CYP4Z1: variants seen among roughly 807,000 people sequenced by gnomAD.
CYP4Z1 encodes the protein cytochrome P450 4Z1.
A neutral mutation model predicts 54.2 loss-of-function variants in CYP4Z1; 41 were observed. That is an observed-to-expected ratio of 0.76 (90% CI 0.59 to 0.98). The LOEUF is 0.98. Ranked by LOEUF, CYP4Z1 falls within the 50% of genes least tolerant of loss-of-function variation. The pLI is 0.00. For missense variants in CYP4Z1, 513 were observed against 599.0 expected (o/e 0.86, Z 1.50); for synonymous variants, 163 against 206.2 (o/e 0.79, Z 1.79).
the CYP4Z1 span, among the ~76,000 whole-genome samples, chr1:47,057,287 C>T: frequency 3.9e-5 from 5 of 129,356 alleles, no homozygotes; most frequent in Non-Finnish European, 8.0e-5. Flanking sequence ...GCCGAGGGAT[C>T]AGCTGTTAGT....
intron 6 of CYP4Z1, among the ~76,000 whole-genome samples, chr1:47,086,810 G>A (rs1644598729): frequency 6.6e-6 from 1 of 152,016 alleles, no homozygotes; most frequent in Non-Finnish European, 1.5e-5. Flanking sequence ...TTTCTTCTAG[G>A]GTTTTTATGG....
chr1:47,109,599 T>TA (rs1228263460), intron 9 of CYP4Z1, among the ~76,000 whole-genome samples: 2 of 152,196 alleles, frequency 1.3e-5, no homozygotes, highest in Non-Finnish European at 2.9e-5. Context: ...ACTCAAATGA[T>TA]ACACAGATTC....
chr1:47,057,339 T>A, the CYP4Z1 span, among the ~76,000 whole-genome samples: 5,896 of 13,880 alleles, frequency 0.42, 735 homozygotes, highest in African/African-American at 0.51. Flanking sequence ...AAAAAAAATA[T>A]ATATATATAT....
intron 9 of CYP4Z1, among the ~76,000 whole-genome samples, chr1:47,113,613 A>G (rs1644808505): frequency 6.6e-6 from 1 of 152,092 alleles, no homozygotes; most frequent in African/African-American, 2.4e-5. Context: ...CTTTGCTCGT[A>G]TTTTATTGAG....
chr1:47,086,668 C>G (rs182323969), intron 6 of CYP4Z1, among the ~76,000 whole-genome samples: 182 of 152,256 alleles, frequency 1.2e-3, no homozygotes, highest in Middle Eastern at 3.4e-3. Flanking sequence ...ATGGTAGTTT[C>G]TTTTGCTGTG....
At chr1:47,096,145 A>C (rs1021660995) in intron 7 of CYP4Z1, among the ~76,000 whole-genome samples, 6 of 152,194 alleles carry the variant, frequency 3.9e-5, no homozygotes, top group South Asian at 2.1e-4. Flanking sequence ...TCTGCTGAGC[A>C]TGGTGGCTCA....
At chr1:47,092,481 T>C (rs554192816) in intron 6 of CYP4Z1, among the ~76,000 whole-genome samples, 6 of 151,032 alleles carry the variant, frequency 4.0e-5, no homozygotes, top group Non-Finnish European at 7.3e-5. Context: ...GCTTCTGGTC[T>C]CTTACAGACA....
At chr1:47,074,439 G>C (rs1190912086) in intron 2 of CYP4Z1, among the ~76,000 whole-genome samples, 1 of 151,912 alleles carries the variant, frequency 6.6e-6, no homozygotes, top group African/African-American at 2.4e-5. Context: ...ATTCACTTAG[G>C]ATAATGTCCT....
upstream of CYP4Z1, among the ~76,000 whole-genome samples, chr1:47,064,759 A>C (rs533404201): frequency 7.9e-5 from 12 of 152,224 alleles, no homozygotes; most frequent in Non-Finnish European, 1.6e-4. Context: ...AGAACAGCAG[A>C]ATGGATAAGA....
At chr1:47,115,190 G>T (rs555542511) in intron 9 of CYP4Z1, among the ~76,000 whole-genome samples, 38 of 152,084 alleles carry the variant, frequency 2.5e-4, no homozygotes, top group Non-Finnish European at 4.7e-4. Flanking sequence ...GCAAACTATC[G>T]CAAGGACAAA....
At chr1:47,076,947 AT>A (rs1008691459) in intron 2 of CYP4Z1, among the ~76,000 whole-genome samples, 7 of 149,732 alleles carry the variant, frequency 4.7e-5, no homozygotes, top group Non-Finnish European at 1.0e-4. Context: ...ATGGAGAGGT[AT>A]TTTTGTATGA....
In CYP4Z1 at chr1:47,099,146, C is replaced by T. The variant is rs549833831; in HGVS notation, c.929C>T (p.Thr310Met). Residue 310 changes from threonine to methionine, a missense_variant, in exon 8 of 12, where the codon ACG (threonine) becomes ATG (methionine). Thr to Met is a moderately conservative substitution (Grantham distance 81, BLOSUM62 -1). Transcript: ENST00000334194. ...SEADLQAEVK[T>M]FMFAGHDTTS... is the part of the protein sequence containing the mutation. ...GCAGATCTCCAGGCTGAAGTGAAAACGTTCATGTTTGCAGGACATGACACC... is the reference window on the plus strand; with the variant it reads ...GCAGATCTCCAGGCTGAAGTGAAAATGTTCATGTTTGCAGGACATGACACC... The T allele has an allele frequency of 8.7e-6, 14 of 1,614,022 alleles. No homozygotes were observed. In the East Asian group the frequency reaches 1.3e-4, roughly 15 times the overall value.
intron 9 of CYP4Z1, among the ~76,000 whole-genome samples, chr1:47,114,996 C>T (rs569926091): frequency 0.012 from 1,779 of 152,204 alleles, 17 homozygotes; most frequent in South Asian, 0.051. Context: ...CACATGCACA[C>T]GTATGTTTAT....
chr1:47,111,240 A>G (rs1244583905), intron 9 of CYP4Z1, among the ~76,000 whole-genome samples: 1 of 151,890 alleles, frequency 6.6e-6, no homozygotes, highest in East Asian at 1.9e-4. Flanking sequence ...CTGGAGTGCA[A>G]TGGTGCAATC....
At chr1:47,068,549 G>C (rs1279551604) in intron 1 of CYP4Z1, 73 bp from the exon 2 acceptor site, 1 of 1,564,758 alleles carries the variant, frequency 6.4e-7, no homozygotes, top group Middle Eastern at 1.7e-4. Context: ...CTTAGCACAT[G>C]GTCCATCCGA....
chr1:47,113,720 T>G (rs1180237568), intron 9 of CYP4Z1, among the ~76,000 whole-genome samples: 1 of 152,130 alleles, frequency 6.6e-6, no homozygotes, highest in Non-Finnish European at 1.5e-5. Flanking sequence ...ATAAAATATC[T>G]AGGAATCCAA....
chr1:47,055,583 G>A, the CYP4Z1 span, among the ~76,000 whole-genome samples: 3 of 152,116 alleles, frequency 2.0e-5, no homozygotes, highest in African/African-American at 7.2e-5. Context: ...ATTAATTATT[G>A]CCTCAATTTC....
At chr1:47,088,773 C>T (rs1444002629) in intron 6 of CYP4Z1, among the ~76,000 whole-genome samples, 2 of 134,364 alleles carry the variant, frequency 1.5e-5, no homozygotes, top group African/African-American at 3.0e-5. Flanking sequence ...TGTGCCACCA[C>T]ACCCGGCTAA....
intron 8 of CYP4Z1, among the ~76,000 whole-genome samples, chr1:47,104,780 C>A (rs1250744018): frequency 6.6e-6 from 1 of 152,118 alleles, no homozygotes; most frequent in Non-Finnish European, 1.5e-5. Context: ...TGCCCTCAGA[C>A]CCCCTAGTAG....
Sources: gnomAD v4.1 joint callset for allele counts (sites outside exome capture counted in the v4.1 genomes callset) on GRCh38, gnomAD v4.1.1 for gene constraint, MANE v1.5 for transcripts, NCBI Gene and HGNC (gene_info 2026-07-23, HGNC 2026-07-21) for gene names.